The following NBEA variants were observed in gnomAD, a reference collection of about 807,000 sequenced individuals.
NBEA encodes lysosomal-trafficking regulator 2.
In NBEA, 44 loss-of-function variants were observed where a neutral mutation model predicts 343.4. The ratio of observed to expected loss-of-function variants is 0.13; its 90% CI spans 0.10 to 0.16. The LOEUF (loss-of-function observed/expected upper bound fraction) is 0.16. NBEA is among the 10% of genes least tolerant of loss of function. The pLI, the probability that NBEA is intolerant of heterozygous loss-of-function variation, is 1.00. For missense variants in NBEA, 2,555 were observed against 3,631.3 expected (o/e 0.70, Z 7.62); for synonymous variants, 1,175 against 1,238.7 (o/e 0.95, Z 1.08).
chr13:35,441,030 G>A (rs2045710978), intron 39 of NBEA, among the ~76,000 whole-genome samples: 1 of 152,084 alleles, frequency 6.6e-6, no homozygotes, highest in Non-Finnish European at 1.5e-5. Flanking sequence ...TTTAAAAAGT[G>A]CTTTTAGATA....
intron 28 of NBEA, among the ~76,000 whole-genome samples, chr13:35,181,362 G>A (rs1180899516): frequency 1.3e-5 from 2 of 151,828 alleles, no homozygotes; most frequent in African/African-American, 2.4e-5. Context: ...ATTCTTGTGA[G>A]AGTAAGGTGG....
intron 38 of NBEA, among the ~76,000 whole-genome samples, chr13:35,391,706 C>G (rs1372736241): frequency 6.6e-6 from 1 of 152,028 alleles, no homozygotes; most frequent in Non-Finnish European, 1.5e-5. Context: ...AAAAGTAATT[C>G]AGAAGGGTAA....
At chr13:35,197,191 G>A (rs2072677342) in intron 31 of NBEA, among the ~76,000 whole-genome samples, 1 of 151,998 alleles carries the variant, frequency 6.6e-6, no homozygotes, top group South Asian at 2.1e-4. Flanking sequence ...AATAATGTTT[G>A]CGTGTTAATG....
intron 38 of NBEA, among the ~76,000 whole-genome samples, chr13:35,423,022 A>G (rs1275262967): frequency 6.6e-6 from 1 of 151,786 alleles, no homozygotes; most frequent in Admixed American, 6.6e-5. Flanking sequence ...AAATTTGTTT[A>G]AGTTCTTTGT....
chr13:35,426,548 A>AC (rs1432694875), intron 38 of NBEA, among the ~76,000 whole-genome samples: 1 of 152,156 alleles, frequency 6.6e-6, no homozygotes, highest in Admixed American at 6.5e-5. Context: ...TTTGTGGGTA[A>AC]CCCGACCTTT....
In NBEA at chr13:35,106,150, T is replaced by C. The variant is rs2065907891; in HGVS notation, c.1681-3140T>C. On this transcript the variant is annotated intron_variant, in intron 11 of 58. Coordinates refer to ENST00000379939, the MANE Select transcript of NBEA (RefSeq NM_001385012.1). ...ATTCTGCCACCACATGAAAGTAATA[T>C]ATAGATCAAATTCCAGAGCTTACAT... Among the ~76,000 whole-genome samples, 3 of 152,008 alleles carry C rather than the reference T, an allele frequency of 2.0e-5. No individual in the cohort carries two copies. The South Asian group carries it at 6.2e-4, about 31-fold the overall frequency.
At chr13:35,534,465 C>T (rs2078430224) in intron 41 of NBEA, among the ~76,000 whole-genome samples, 1 of 152,188 alleles carries the variant, frequency 6.6e-6, no homozygotes, top group African/African-American at 2.4e-5. Flanking sequence ...CTTATAACCA[C>T]CTTCCTCCAG....
chr13:35,520,510 G>A (rs576453091), intron 41 of NBEA, among the ~76,000 whole-genome samples: 19 of 152,264 alleles, frequency 1.2e-4, no homozygotes, highest in East Asian at 3.9e-4. Flanking sequence ...GAAGGAAGAT[G>A]TGCCAGTGCT....
intron 24 of NBEA, chr13:35,165,153 G>A (rs533855984): frequency 2.7e-4 from 145 of 531,582 alleles, no homozygotes; most frequent in South Asian, 1.9e-3. Context: ...TTTGCCAGAG[G>A]GAAATATTTC....
chr13:35,443,919 G>T (rs1405557118), intron 39 of NBEA, among the ~76,000 whole-genome samples: 1 of 151,878 alleles, frequency 6.6e-6, no homozygotes, highest in African/African-American at 2.4e-5. Flanking sequence ...TTAGAAAAGT[G>T]ATCTTTCCTA....
chr13:35,113,001 A>G (rs1250576458), intron 13 of NBEA, among the ~76,000 whole-genome samples: 3 of 152,146 alleles, frequency 2.0e-5, no homozygotes, highest in Admixed American at 1.3e-4. Flanking sequence ...TGTCCTTTCT[A>G]GGAAAAAGAA....
At chr13:35,347,794 C>T (rs541105890) in intron 36 of NBEA, among the ~76,000 whole-genome samples, 3 of 152,004 alleles carry the variant, frequency 2.0e-5, no homozygotes, top group African/African-American at 7.2e-5. Context: ...CTAAGCAGTT[C>T]TCTCTGGCTC....
intron 41 of NBEA, among the ~76,000 whole-genome samples, chr13:35,549,401 G>A (rs1357860353): frequency 4.6e-5 from 7 of 152,116 alleles, no homozygotes; most frequent in South Asian, 4.1e-4. Context: ...ATATAAGTGC[G>A]GTAGAGTATA....
At chr13:34,959,268 T>C (rs1761691880) in intron 1 of NBEA, among the ~76,000 whole-genome samples, 1 of 152,118 alleles carries the variant, frequency 6.6e-6, no homozygotes, top group Admixed American at 6.6e-5. Context: ...AGGTGTGAAT[T>C]TTATGTTTTT....
chr13:35,460,524 T>C (rs1223589653), intron 40 of NBEA, among the ~76,000 whole-genome samples: 1 of 152,220 alleles, frequency 6.6e-6, no homozygotes, highest in Non-Finnish European at 1.5e-5. Flanking sequence ...AGCTTCATCT[T>C]GAATATTGAG....
Position 35,276,885 on chromosome 13 carries a change from T to G in NBEA, c.5777-13504T>G, listed in dbSNP as rs570626139. On this transcript the variant is annotated intron_variant, in intron 34 of 58. Transcript: ENST00000379939. ...CGTTTTTTTAATTGAATTCTGATTC[T>G]TTTTGAATATAAAATAGATTATACA... 4.6e-5 allele frequency among the ~76,000 whole-genome samples: 7 copies of G among 152,326 alleles called. No individual in the cohort carries two copies. In the South Asian group the frequency reaches 1.0e-3, roughly 23 times the overall value.
intron 18 of NBEA, among the ~76,000 whole-genome samples, chr13:35,143,083 G>A (rs2068184154): frequency 6.6e-6 from 1 of 152,028 alleles, no homozygotes; most frequent in Non-Finnish European, 1.5e-5. Flanking sequence ...ATCCATTTTT[G>A]TATGGCTCTA....
chr13:35,092,792 T>C (rs1566273474), intron 10 of NBEA, among the ~76,000 whole-genome samples: 1 of 152,046 alleles, frequency 6.6e-6, no homozygotes, highest in African/African-American at 2.4e-5. Context: ...TGGCAGTTTA[T>C]TATAAAGTTA....
Position 35,452,180 on chromosome 13 carries a change from A to G in NBEA, c.6393A>G (p.Glu2131=). Residue 2131 remains glutamate, a synonymous_variant, in exon 40 of 59, where the codon GAA becomes GAG. Coordinates refer to ENST00000379939, the MANE Select transcript of NBEA (RefSeq NM_001385012.1). ...NQNAETELML[E]GDDDAVSLLQ... is the part of the protein sequence containing the mutation. ...ATGCAGAGACAGAACTTATGCTGGA[A>G]GGAGACGATGATGCAGTCAGTCTGC... 1 of 1,607,068 alleles carries G rather than the reference A, an allele frequency of 6.2e-7. No homozygotes were observed. Among genetic ancestry groups the G allele is most frequent in the Non-Finnish European group, 8.5e-7 (1 of 1,175,958 alleles).
Sources: gnomAD v4.1 joint callset for allele counts (sites outside exome capture counted in the v4.1 genomes callset) on GRCh38, gnomAD v4.1.1 for gene constraint, MANE v1.5 for transcripts, NCBI Gene and HGNC (gene_info 2026-07-23, HGNC 2026-07-21) for gene names.